The following C11orf65 variants were observed in gnomAD, a reference collection of about 807,000 sequenced individuals.
The protein encoded by C11orf65 is chromosome 11 open reading frame 65.
C11orf65 carries 38 observed loss-of-function variants against 35.3 expected under a neutral mutation model. The observed-to-expected ratio is 1.08, with a 90% CI of 0.83 to 1.41. C11orf65 has a LOEUF of 1.41. C11orf65 is among the 40% of genes most tolerant of loss of function. The pLI, the probability that C11orf65 is intolerant of heterozygous loss-of-function variation, is 0.00. For missense variants in C11orf65, 370 were observed against 367.1 expected (o/e 1.01, Z -0.06); for synonymous variants, 105 against 114.4 (o/e 0.92, Z 0.53).
At chr11:108,323,882 G>A (rs2085410873) in intron 6 of C11orf65, among the ~76,000 whole-genome samples, 1 of 152,026 alleles carries the variant, frequency 6.6e-6, no homozygotes, top group Non-Finnish European at 1.5e-5. Flanking sequence ...AAATGCAGAA[G>A]CAGAGATAAG....
Position 108,426,352 on chromosome 11 carries a change from T to G in C11orf65, c.174+5394A>C, listed in dbSNP as rs528061246. On this transcript the variant is annotated intron_variant, in intron 3 of 8. Coordinates refer to ENST00000393084, the MANE Select transcript of C11orf65 (RefSeq NM_152587.5). Reference sequence around the variant, plus strand: ...AATCACAAGCATTCCTATACACCAATAATAGACAATCAGAGACCCAAATAA... The same window carrying G: ...AATCACAAGCATTCCTATACACCAAGAATAGACAATCAGAGACCCAAATAA... Among the ~76,000 whole-genome samples, 107 of 152,090 alleles carry G rather than the reference T, an allele frequency of 7.0e-4. 1 individual carries two copies. The highest frequency in any genetic ancestry group is 2.4e-3 in the African/African-American group (101 of 41,494).
At chr11:108,448,351 A>C (rs2093296198) in intron 2 of C11orf65, among the ~76,000 whole-genome samples, 1 of 152,218 alleles carries the variant, frequency 6.6e-6, no homozygotes, top group Admixed American at 6.5e-5. Context: ...TTTTAGGCCA[A>C]TATCCTTGAT....
intron 2 of C11orf65, among the ~76,000 whole-genome samples, chr11:108,454,914 CT>C: frequency 6.6e-6 from 1 of 152,088 alleles, no homozygotes; most frequent in East Asian, 1.9e-4. Context: ...CTTCTGATAA[CT>C]TTGGTCTTAG....
chr11:108,456,607 C>A lies in C11orf65; in HGVS notation c.81+4872G>T, dbSNP rs190986302. On this transcript the variant is annotated intron_variant, in intron 2 of 8. Transcript: ENST00000393084. ...CACCAGCCTTGGCAACATACCTAGACCCTGTCTCTACAAAAAATTAAAAAA... is the reference window on the plus strand; with the variant it reads ...CACCAGCCTTGGCAACATACCTAGAACCTGTCTCTACAAAAAATTAAAAAA... 3.8e-3 allele frequency among the ~76,000 whole-genome samples: 584 copies of A among 151,772 alleles called. 16 individuals carry two copies. The highest frequency in any genetic ancestry group is 9.3e-4 in the Non-Finnish European group (63 of 67,906).
At chr11:108,386,659 T>C (rs2092007512) in intron 7 of C11orf65, among the ~76,000 whole-genome samples, 1 of 152,152 alleles carries the variant, frequency 6.6e-6, no homozygotes, top group Non-Finnish European at 1.5e-5. Flanking sequence ...TTATTTCACC[T>C]TAGGCTCCAT....
rs1296794307 is a variant in C11orf65 at position 108,317,640 on chromosome 11, TATATATATATATACACAC to T, written c.641-8587_641-8570del. ...TTATATATATATATATATATATATATATATATATATATACACACACACACACACACACACTATATATAT... is the reference window on the plus strand; with the variant it reads ...TTATATATATATATATATATATATATACACACACACACACACTATATATAT... On this transcript the variant is annotated intron_variant, in intron 6 of 6. Coordinates refer to the C11orf65 transcript ENST00000525729. The T allele has an allele frequency of 1.2e-3, 218 of 175,938 alleles. 2 individuals are homozygous for T. Among genetic ancestry groups the T allele is most frequent in the African/African-American group, 7.6e-3 (204 of 27,004 alleles). The allele number at this position is 175,938 out of a possible 1,614,324, so 10.9% of individuals were successfully genotyped here.
chr11:108,367,552 C>G (rs906764662), intron 2 of C11orf65: 1 of 206,358 alleles, frequency 4.8e-6, no homozygotes, highest in Non-Finnish European at 9.9e-6. Context: ...TCTTCTCCAT[C>G]CTTAGGAAAA....
intron 2 of C11orf65, chr11:108,335,830 T>C (rs2136690199): frequency 6.3e-7 from 1 of 1,600,000 alleles, no homozygotes; most frequent in Non-Finnish European, 8.6e-7. Context: ...TTATTCATGC[T>C]TAATTATTCT....
intron 2 of C11orf65, among the ~76,000 whole-genome samples, chr11:108,448,539 G>T (rs1172170445): frequency 6.6e-6 from 1 of 152,120 alleles, no homozygotes; most frequent in African/African-American, 2.4e-5. Context: ...AAAAACACAT[G>T]ATTATCTCAA....
intron 2 of C11orf65, among the ~76,000 whole-genome samples, chr11:108,358,137 A>C (rs1374376532): frequency 1.3e-5 from 2 of 151,642 alleles, no homozygotes; most frequent in Non-Finnish European, 2.9e-5. Context: ...CTCGAGAACT[A>C]TGTGAAGAAT....
At chr11:108,326,277 AC>A (rs2085680264) in intron 6 of C11orf65, 1 of 1,596,120 alleles carries the variant, frequency 6.3e-7, no homozygotes, top group South Asian at 1.1e-5. Flanking sequence ...TTAAAAAAAC[AC>A]AAATGTACTT....
chr11:108,382,889 T>G lies in C11orf65; in HGVS notation c.*132A>C. 6.5e-7 allele frequency: 1 copy of G among 1,529,782 alleles called. No homozygotes were observed. Among genetic ancestry groups the G allele is most frequent in the Non-Finnish European group, 8.7e-7 (1 of 1,150,246 alleles). The allele number at this position is 1,529,782 out of a possible 1,614,324, so 94.8% of individuals were successfully genotyped here. Reference sequence around the variant, plus strand: ...GTGTTCTATTTCTGCTCAATCTTCCTTACTTAACTGAGCTAGATTCTGTGC... The same window carrying G: ...GTGTTCTATTTCTGCTCAATCTTCCGTACTTAACTGAGCTAGATTCTGTGC... On this transcript the variant is annotated 3_prime_UTR_variant, in exon 9 of 9. Transcript: ENST00000393084.
chr11:108,395,248 T>A (rs1204545227), intron 6 of C11orf65, among the ~76,000 whole-genome samples: 3 of 151,968 alleles, frequency 2.0e-5, no homozygotes, highest in Non-Finnish European at 2.9e-5. Context: ...CCCAGCACTT[T>A]GGGAGACTGA....
At chr11:108,448,185 A>G (rs2093292884) in intron 2 of C11orf65, among the ~76,000 whole-genome samples, 1 of 152,250 alleles carries the variant, frequency 6.6e-6, no homozygotes. Flanking sequence ...ATGGATTCAC[A>G]GCTGAATTCT....
At chr11:108,370,521 A>G (rs979229866) in intron 2 of C11orf65, among the ~76,000 whole-genome samples, 2 of 148,646 alleles carry the variant, frequency 1.3e-5, no homozygotes, top group East Asian at 1.9e-4. Context: ...TAGCACAATC[A>G]TCAGTAGAAT....
intron 3 of C11orf65, among the ~76,000 whole-genome samples, chr11:108,407,647 AG>A (rs1464946775): frequency 1.4e-4 from 21 of 151,926 alleles, no homozygotes; most frequent in Admixed American, 1.4e-3. Flanking sequence ...TTTTGTAATT[AG>A]AAAATATTTT....
chr11:108,430,348 C>T (rs1164310666), intron 3 of C11orf65, among the ~76,000 whole-genome samples: 2 of 147,824 alleles, frequency 1.4e-5, no homozygotes, highest in African/African-American at 5.0e-5. Flanking sequence ...GCCATGTTAG[C>T]CAGGGTGGTC....
At chr11:108,310,134 T>C (rs764900363) in intron 6 of C11orf65, 1 of 1,604,642 alleles carries the variant, frequency 6.2e-7, no homozygotes, top group South Asian at 1.1e-5. Context: ...AAAAAGTGAA[T>C]GACATTATAT....
At chr11:108,379,276 A>G (rs867685633), downstream of C11orf65, among the ~76,000 whole-genome samples, 3 of 152,174 alleles carry the variant, frequency 2.0e-5, no homozygotes, top group East Asian at 5.8e-4. Context: ...GCACATATAT[A>G]CCATGGAATA....
Sources: allele counts gnomAD v4.1 joint callset (sites outside exome capture counted in the v4.1 genomes callset), GRCh38; gene constraint gnomAD v4.1.1; transcripts MANE v1.5; gene names NCBI Gene and HGNC (gene_info 2026-07-23, HGNC 2026-07-21).